Variants in TET2 observed in about 807,000 individuals in gnomAD.
TET2 encodes methylcytosine dioxygenase TET2.
In TET2, 299 loss-of-function variants were observed where a neutral mutation model predicts 142.9. The observed-to-expected ratio is 2.09, with a 90% CI of 1.90 to 2.30. TET2 has a LOEUF of 2.30. Ranked by LOEUF, TET2 falls within the 30% of genes most tolerant of loss-of-function variation. The pLI is 0.00. For synonymous variants in TET2, 819 were observed against 849.0 expected (o/e 0.96, Z 0.61); for missense variants, 2,418 against 2,378.0 (o/e 1.02, Z -0.35).
chr4:105,231,739 T>C (rs899028373), intron 2 of TET2, among the ~76,000 whole-genome samples: 3 of 152,202 alleles, frequency 2.0e-5, no homozygotes, highest in Admixed American at 1.3e-4. Context: ...TCTACTTATA[T>C]CTTTAAAATA....
intron 1 of TET2, among the ~76,000 whole-genome samples, chr4:105,166,054 C>T (rs956886409): frequency 1.3e-5 from 2 of 152,032 alleles, no homozygotes; most frequent in African/African-American, 4.8e-5. Context: ...TTCTGGTTTG[C>T]ATCTATAGTT....
At chr4:105,187,025 C>T (rs1725497550) in intron 1 of TET2, among the ~76,000 whole-genome samples, 1 of 152,104 alleles carries the variant, frequency 6.6e-6, no homozygotes, top group Non-Finnish European at 1.5e-5. Flanking sequence ...TGATAGTTTG[C>T]CAGCTTGATT....
intron 2 of TET2, among the ~76,000 whole-genome samples, chr4:105,210,598 A>G (rs1727101526): frequency 6.6e-6 from 1 of 152,122 alleles, no homozygotes; most frequent in African/African-American, 2.4e-5. Context: ...AGAAGCCTTA[A>G]TTTTTCTGTC....
intron 1 of TET2, among the ~76,000 whole-genome samples, chr4:105,174,283 T>C (rs947092178): frequency 2.0e-5 from 3 of 152,198 alleles, no homozygotes; most frequent in Non-Finnish European, 2.9e-5. Flanking sequence ...TTTTGAGAAG[T>C]AGACTATGAT....
chr4:105,229,485 A>G (rs979862780), intron 2 of TET2, among the ~76,000 whole-genome samples: 2 of 151,884 alleles, frequency 1.3e-5, no homozygotes, highest in Non-Finnish European at 2.9e-5. Context: ...TACTTTTTGT[A>G]TTTTTAGTAG....
At chr4:105,150,282 C>G (rs1230585751) in intron 1 of TET2, among the ~76,000 whole-genome samples, 1 of 152,134 alleles carries the variant, frequency 6.6e-6, no homozygotes, top group Admixed American at 6.5e-5. Flanking sequence ...TTTAGAAAAT[C>G]TTAGATCTAC....
chr4:105,233,497 C>T (rs758691374), intron 2 of TET2, among the ~76,000 whole-genome samples: 18 of 150,666 alleles, frequency 1.2e-4, no homozygotes, highest in Admixed American at 5.3e-4. Context: ...ATAGGAAGTA[C>T]AGTTGATAGA....
Position 105,236,926 on chromosome 4 carries a change from C to T in TET2, c.2984C>T (p.Thr995Ile). 2 of 1,614,096 alleles carry T rather than the reference C, an allele frequency of 1.2e-6. No homozygotes were observed. The highest frequency in any genetic ancestry group is 1.1e-5 in the South Asian group (1 of 91,088). The change falls in exon 3 of 11, where the codon ACA becomes ATA. Residue 995 changes from threonine to isoleucine, a missense_variant. Thr to Ile is a moderately conservative substitution (Grantham distance 89, BLOSUM62 -1). Transcript: ENST00000380013. ...TGCAAGCCACATGCCTGTATGCACA[C>T]AGCACCACCAGAAAACAAAACATGG... ...PGCKPHACMH[T>I]APPENKTWKK... is the part of the protein sequence containing the mutation.
intron 2 of TET2, among the ~76,000 whole-genome samples, chr4:105,198,921 T>TG (rs1392654200): frequency 6.6e-6 from 1 of 152,228 alleles, no homozygotes; most frequent in African/African-American, 2.4e-5. Flanking sequence ...AATTAACACT[T>TG]GCAGAACATT....
rs1350736036 is a variant in TET2, at chr4:105,235,553, G to A, written c.1611G>A (p.Glu537=). The A allele has an allele frequency of 2.5e-6, 4 of 1,614,150 alleles. No homozygotes were observed. Among genetic ancestry groups the A allele is most frequent in the Non-Finnish European group, 3.4e-6 (4 of 1,180,010 alleles). The change falls in exon 3 of 11, where the codon GAG becomes GAA. Residue 537 remains glutamate, a synonymous_variant. Coordinates refer to ENST00000380013, the MANE Select transcript of TET2 (RefSeq NM_001127208.3). The part of the protein sequence containing the change: ...DNCQQLMRNK[E]QEILKGRDKE... ...GCCAGCAGTTGATGAGAAACAAAGA[G>A]CAAGAGATTCTGAAGGGTCGAGACA... is the stretch of plus-strand genomic sequence containing the variant.
At chr4:105,171,826 C>T (rs1578555825) in intron 1 of TET2, 1 of 152,180 alleles carries the variant, frequency 6.6e-6, no homozygotes, top group African/African-American at 2.4e-5. Flanking sequence ...TTGCATTATT[C>T]ATTTTCATAT....
chr4:105,238,100 A>C (rs187983676), intron 3 of TET2: 1 of 224,196 alleles, frequency 4.5e-6, no homozygotes, highest in African/African-American at 2.3e-5. Context: ...TATATACTAT[A>C]CTGTAACATA....
intron 8 of TET2, among the ~76,000 whole-genome samples, chr4:105,265,729 C>T (rs531296556): frequency 3.3e-5 from 5 of 152,142 alleles, no homozygotes; most frequent in Admixed American, 2.0e-4. Flanking sequence ...CTACATATGC[C>T]GTTACACATT....
intron 1 of TET2, among the ~76,000 whole-genome samples, chr4:105,164,045 G>A (rs1346533208): frequency 6.6e-6 from 1 of 151,934 alleles, no homozygotes; most frequent in Non-Finnish European, 1.5e-5. Context: ...TTGTGTTTAC[G>A]GTGAGAACAC....
chr4:105,278,014 A>C lies in TET2; in HGVS notation c.*1495A>C, dbSNP rs1578744318. ...TAGTTCCATGTGAATCTGTCAGTTA[A>C]AAAGAAACAAAAACAGGCAGCTGGT... On this transcript the variant is annotated 3_prime_UTR_variant, in exon 11 of 11. Coordinates refer to ENST00000380013, the MANE Select transcript of TET2 (RefSeq NM_001127208.3). 1 of 214,982 alleles carries C rather than the reference A, an allele frequency of 4.7e-6. No homozygotes were observed. Among genetic ancestry groups the C allele is most frequent in the East Asian group, 6.9e-5 (1 of 14,508 alleles). 13.3% of individuals were successfully genotyped at this position (214,982 alleles called of 1,614,324 possible).
At chr4:105,199,246 A>G (rs188274062) in intron 2 of TET2, among the ~76,000 whole-genome samples, 1 of 152,310 alleles carries the variant, frequency 6.6e-6, no homozygotes, top group East Asian at 1.9e-4. Flanking sequence ...GCTCTCTTCT[A>G]ATTGCCTGGA....
chr4:105,255,269 C>A (rs1730065528), intron 6 of TET2, among the ~76,000 whole-genome samples: 1 of 151,970 alleles, frequency 6.6e-6, no homozygotes, highest in Admixed American at 6.6e-5. Context: ...TTTTTTGATT[C>A]CTGACTGTAT....
At chr4:105,243,161 C>A (rs2110253274) in intron 5 of TET2, among the ~76,000 whole-genome samples, 1 of 152,310 alleles carries the variant, frequency 6.6e-6, no homozygotes, top group South Asian at 2.1e-4. Flanking sequence ...CTAGTGCCTG[C>A]TAAATGTATA....
chr4:105,147,925 C>G (rs1188447488), intron 1 of TET2: 1 of 152,242 alleles, frequency 6.6e-6, no homozygotes, highest in Non-Finnish European at 1.5e-5. Flanking sequence ...AACCCAATCC[C>G]AGCAAAGAAG....
Sources: allele counts gnomAD v4.1 joint callset (sites outside exome capture counted in the v4.1 genomes callset), GRCh38; gene constraint gnomAD v4.1.1; transcripts MANE v1.5; gene names NCBI Gene and HGNC (gene_info 2026-07-23, HGNC 2026-07-21).